The following KCTD1 variants were observed in gnomAD, a reference collection of about 807,000 sequenced individuals.
The protein encoded by KCTD1 is potassium channel tetramerization domain containing 1.
Under a neutral mutation model 66.0 loss-of-function variants are expected in KCTD1, and 24 were observed. The observed-to-expected ratio is 0.36, with a 90% CI of 0.26 to 0.51. KCTD1 has a LOEUF of 0.51. Among genes scored for constraint, KCTD1 ranks in the 20% least tolerant of loss-of-function variants. The pLI is 0.95. For synonymous variants in KCTD1, 511 were observed against 517.2 expected, an observed-to-expected ratio of 0.99 and a Z score of 0.16; for missense variants, 943 against 1,205.2, an observed-to-expected ratio of 0.78 and a Z score of 3.22.
intron 1 of KCTD1, among the ~76,000 whole-genome samples, chr18:26,606,243 A>C (rs948229091): frequency 6.6e-6 from 1 of 152,186 alleles, no homozygotes; most frequent in South Asian, 2.1e-4. Flanking sequence ...GCCTGTGTTG[A>C]TGTTAATGCC....
intron 3 of KCTD1, among the ~76,000 whole-genome samples, chr18:26,467,790 G>A (rs1487107882): frequency 6.6e-6 from 1 of 152,126 alleles, no homozygotes. Context: ...ACTCCAGCCT[G>A]GGTGACAGAG....
intron 1 of KCTD1, among the ~76,000 whole-genome samples, chr18:26,650,684 A>G (rs1988014271): frequency 6.6e-6 from 1 of 152,240 alleles, no homozygotes; most frequent in African/African-American, 2.4e-5. Flanking sequence ...AAGGATCAGT[A>G]CCATGGACCA....
intron 3 of KCTD1, among the ~76,000 whole-genome samples, chr18:26,464,298 C>T (rs911182857): frequency 6.6e-6 from 1 of 152,218 alleles, no homozygotes; most frequent in Non-Finnish European, 1.5e-5. Context: ...AATTCCTTGG[C>T]CCATGGCCAG....
At chr18:26,536,953 T>G (rs1244365264) in intron 1 of KCTD1, among the ~76,000 whole-genome samples, 1 of 150,574 alleles carries the variant, frequency 6.6e-6, no homozygotes, top group Non-Finnish European at 1.5e-5. Flanking sequence ...GACACATTCC[T>G]GGATCATTAC....
At chr18:26,543,826 G>A (rs1227865360) in intron 1 of KCTD1, 1 of 152,180 alleles carries the variant, frequency 6.6e-6, no homozygotes, top group Non-Finnish European at 1.5e-5. Context: ...TTTAGCACAG[G>A]AGAGAGACAT....
intron 1 of KCTD1, among the ~76,000 whole-genome samples, chr18:26,553,827 TAAA>T (rs10548383): frequency 0.029 from 3,892 of 135,352 alleles, 167 homozygotes; most frequent in African/African-American, 0.095. Context: ...CCAGAGAGGG[TAAA>T]AAAAAAAAAA....
intron 1 of KCTD1, among the ~76,000 whole-genome samples, chr18:26,615,111 G>C (rs1052031409): frequency 3.3e-5 from 5 of 152,112 alleles, no homozygotes; most frequent in African/African-American, 1.2e-4. Flanking sequence ...CTCCCCACCT[G>C]GGCAGGGAAA....
intron 1 of KCTD1, among the ~76,000 whole-genome samples, chr18:26,607,093 G>T (rs1282179992): frequency 6.6e-6 from 1 of 152,106 alleles, no homozygotes; most frequent in African/African-American, 2.4e-5. Context: ...AGAGTGCAGT[G>T]GCACAATCAT....
At chr18:26,602,986 T>C (rs1456240096) in intron 1 of KCTD1, among the ~76,000 whole-genome samples, 1 of 152,158 alleles carries the variant, frequency 6.6e-6, no homozygotes, top group East Asian at 1.9e-4. Context: ...TACAACCATC[T>C]GATCTTTGAC....
Position 26,476,650 on chromosome 18 carries a change from T to G in KCTD1, c.1998A>C (p.Arg666Ser). 1 of 1,610,984 alleles carries G rather than the reference T, an allele frequency of 6.2e-7. No individual in the cohort carries two copies. Among genetic ancestry groups the G allele is most frequent in the Non-Finnish European group, 8.5e-7 (1 of 1,179,164 alleles). The change falls in exon 3 of 5, where the codon AGA becomes AGC. Residue 666 changes from arginine (R) to serine (S), a missense_variant. Coordinates refer to ENST00000580059, the MANE Select transcript of KCTD1 (RefSeq NM_001142730.3). This position sits in a 1 kb window ranked among gnomAD's most constrained non-coding sequence, Gnocchi z 4.9. The stretch of plus-strand genomic sequence containing the variant: ...CAATGGGCTCTGTACCATCAAAAAG[T>G]CTTCCGATTCTGTGATAGAAAAGAG... ...LTKYPESRIG[R>S]LFDGTEPIVL...
chr18:26,532,283 T>G (rs1288461254), intron 1 of KCTD1, among the ~76,000 whole-genome samples: 1 of 97,900 alleles, frequency 1.0e-5, no homozygotes, highest in Non-Finnish European at 2.2e-5. Context: ...TTTTTTTTTT[T>G]TTTTGAGACA....
At chr18:26,639,852 C>T (rs555084766) in intron 1 of KCTD1, among the ~76,000 whole-genome samples, 10 of 152,260 alleles carry the variant, frequency 6.6e-5, no homozygotes, top group East Asian at 3.9e-4. Context: ...ACCTGTATTC[C>T]GAATCCTTGG....
intron 2 of KCTD1, among the ~76,000 whole-genome samples, chr18:26,481,875 TCTCC>T (rs1296671301): frequency 6.6e-6 from 1 of 152,032 alleles, no homozygotes; most frequent in Non-Finnish European, 1.5e-5. Flanking sequence ...TAAAAAAAAC[TCTCC>T]AAGTCTCAAC....
At chr18:26,590,173 T>A (rs1986565818) in intron 1 of KCTD1, among the ~76,000 whole-genome samples, 1 of 152,082 alleles carries the variant, frequency 6.6e-6, no homozygotes, top group Non-Finnish European at 1.5e-5. Flanking sequence ...AACCTCTGCC[T>A]CCTGGGTTCA....
chr18:26,573,802 A>G (rs1598947795), intron 1 of KCTD1, among the ~76,000 whole-genome samples: 1 of 152,258 alleles, frequency 6.6e-6, no homozygotes, highest in Non-Finnish European at 1.5e-5. Context: ...TTCAATATGT[A>G]AAACAAATTG....
intron 1 of KCTD1, among the ~76,000 whole-genome samples, chr18:26,656,667 T>C (rs1988151852): frequency 1.3e-5 from 2 of 149,596 alleles, no homozygotes; most frequent in South Asian, 4.2e-4. Flanking sequence ...ATGGCGTCTT[T>C]CACGGGGCGT....
upstream of KCTD1, among the ~76,000 whole-genome samples, chr18:26,550,039 A>G (rs1985492731): frequency 6.7e-6 from 1 of 149,778 alleles, no homozygotes; most frequent in African/African-American, 2.5e-5. The surrounding 1 kb of genome is among the most constrained non-coding windows in gnomAD (Gnocchi z 5.4). Context: ...CCTAACTTTC[A>G]CCTTCTCCCG....
At chr18:26,592,495 G>T (rs1212711121) in intron 1 of KCTD1, among the ~76,000 whole-genome samples, 1 of 152,158 alleles carries the variant, frequency 6.6e-6, no homozygotes, top group African/African-American at 2.4e-5. Flanking sequence ...TCTCCCCACA[G>T]CATCTGTTCA....
chr18:26,519,667 A>C (rs1983820934), intron 1 of KCTD1, among the ~76,000 whole-genome samples: 1 of 152,206 alleles, frequency 6.6e-6, no homozygotes, highest in African/African-American at 2.4e-5. Context: ...TGTTTCATGT[A>C]CTCGGACTGT....
Sources: gnomAD v4.1 joint callset for allele counts (sites outside exome capture counted in the v4.1 genomes callset) on GRCh38, gnomAD v4.1.1 for gene constraint, Gnocchi (gnomAD v3.1) non-coding constraint, MANE v1.5 for transcripts, NCBI Gene and HGNC (gene_info 2026-07-23, HGNC 2026-07-21) for gene names.